CCSER1: variants seen among roughly 807,000 people sequenced by gnomAD.
CCSER1 encodes the protein serine-rich coiled-coil domain-containing protein 1.
CCSER1 carries 41 observed loss-of-function variants against 82.0 expected under a neutral mutation model. The ratio of observed to expected loss-of-function variants is 0.50; its 90% CI spans 0.39 to 0.65. CCSER1 has a LOEUF of 0.65. Ranked by LOEUF, CCSER1 falls within the 30% of genes least tolerant of loss-of-function variation. The pLI, the probability that CCSER1 is intolerant of heterozygous loss-of-function variation, is 0.00. For missense variants in CCSER1, 1,119 were observed against 1,064.2 expected, an observed-to-expected ratio of 1.05 and a Z score of -0.72; for synonymous variants, 414 against 383.9, an observed-to-expected ratio of 1.08 and a Z score of -0.92.
intron 10 of CCSER1, among the ~76,000 whole-genome samples, chr4:91,224,501 G>A (rs2149105036): frequency 6.6e-6 from 1 of 152,242 alleles, no homozygotes; most frequent in Admixed American, 6.5e-5. Context: ...TTAGTCATAT[G>A]TGGTTACTGA....
rs1406818910 is a variant in CCSER1, at chr4:91,593,758, AT to A, written c.2218-4812del. ...AACAAGGCAACTGAACACAAAATAA[AT>A]TGCAATGAGAGGCTGGTGTGACTTA... On this transcript the variant is annotated intron_variant, in intron 10 of 10. Transcript: ENST00000509176. 2.0e-5 allele frequency among the ~76,000 whole-genome samples: 3 copies of A among 152,150 alleles called. No individual in the cohort carries two copies. In the East Asian group the frequency reaches 5.8e-4, roughly 29 times the overall value.
chr4:90,168,674 A>G (rs1372607191), intron 1 of CCSER1, among the ~76,000 whole-genome samples: 3 of 152,108 alleles, frequency 2.0e-5, no homozygotes, highest in African/African-American at 4.8e-5. Context: ...GAAGGCATCC[A>G]GTTTCAGCTT....
chr4:90,535,206 AT>A (rs1775164661), intron 5 of CCSER1, among the ~76,000 whole-genome samples: 1 of 152,090 alleles, frequency 6.6e-6, no homozygotes, highest in African/African-American at 2.4e-5. Context: ...ATTTGTGTGA[AT>A]TTTTTATTTA....
intron 9 of CCSER1, among the ~76,000 whole-genome samples, chr4:90,926,949 C>T (rs182110427): frequency 6.6e-6 from 1 of 152,024 alleles, no homozygotes; most frequent in Non-Finnish European, 1.5e-5. Context: ...TATCTAATTA[C>T]ATCAAATGTA....
Position 90,308,716 on chromosome 4 carries a change from C to G in CCSER1, c.432C>G (p.Asn144Lys), listed in dbSNP as rs752722587. The change falls in exon 2 of 11, where the codon AAC becomes AAG. Residue 144 changes from asparagine (N) to lysine (K), a missense_variant. By Grantham distance (94) the Asn-to-Lys change is moderately conservative (BLOSUM62 0). Coordinates refer to ENST00000509176, the MANE Select transcript of CCSER1 (RefSeq NM_001145065.2). Reference protein sequence around the residue: ...DFEREKEHSTNKNVFINCLSS... With the variant: ...DFEREKEHSTKKNVFINCLSS... Reference sequence around the variant, plus strand: ...AAAGGGAAAAAGAGCACTCAACTAACAAGAATGTCTTTATAAATTGTCTAA... The same window carrying G: ...AAAGGGAAAAAGAGCACTCAACTAAGAAGAATGTCTTTATAAATTGTCTAA... 6.2e-7 allele frequency: 1 copy of G among 1,613,584 alleles called. No individual in the cohort carries two copies. The highest frequency in any genetic ancestry group is 2.2e-5 in the East Asian group (1 of 44,864).
chr4:91,163,202 C>G (rs1298070022), intron 10 of CCSER1, among the ~76,000 whole-genome samples: 2 of 152,182 alleles, frequency 1.3e-5, no homozygotes, highest in African/African-American at 4.8e-5. Flanking sequence ...AATAGTCATT[C>G]AAGAGCAGAT....
chr4:90,555,585 A>C (rs988788994), intron 5 of CCSER1, among the ~76,000 whole-genome samples: 2 of 152,096 alleles, frequency 1.3e-5, no homozygotes, highest in Admixed American at 1.3e-4. Flanking sequence ...TGCAAGTGTC[A>C]GAATGATTTG....
At chr4:90,355,548 G>T (rs147379891) in intron 3 of CCSER1, among the ~76,000 whole-genome samples, 100 of 151,992 alleles carry the variant, frequency 6.6e-4, no homozygotes, top group African/African-American at 2.2e-3. Context: ...TCCATGTTTG[G>T]TGGAAGTCAA....
At chr4:90,654,682 A>G (rs1371012200) in intron 6 of CCSER1, among the ~76,000 whole-genome samples, 2 of 152,072 alleles carry the variant, frequency 1.3e-5, no homozygotes, top group Non-Finnish European at 2.9e-5. Context: ...TTGTACGCCT[A>G]ACCCTCTCTC....
rs571782691 is a variant in CCSER1 at position 90,750,419 on chromosome 4, C to A, written c.2010+26428C>A. Among the ~76,000 whole-genome samples the A allele has an allele frequency of 2.6e-5, 4 of 152,196 alleles. No individual in the cohort carries two copies. In the South Asian group the frequency reaches 8.3e-4, roughly 32 times the overall value. ...TCTAGTTGCCAGCCCCATCTTTACT[C>A]CCACTTTGTTAGGTGCACAGCTTTT... On this transcript the variant is annotated intron_variant, in intron 7 of 10. Transcript: ENST00000509176.
intron 9 of CCSER1, among the ~76,000 whole-genome samples, chr4:91,009,695 A>G (rs550933456): frequency 6.6e-6 from 1 of 152,170 alleles, no homozygotes; most frequent in South Asian, 2.1e-4. Flanking sequence ...TGTGGTTGTT[A>G]TGAGGCTTAC....
At chr4:90,983,019 A>G (rs1220511030) in intron 9 of CCSER1, among the ~76,000 whole-genome samples, 1 of 151,742 alleles carries the variant, frequency 6.6e-6, no homozygotes, top group East Asian at 1.9e-4. Flanking sequence ...CCCTCTCCTT[A>G]GACCTTCTCA....
chr4:91,236,516 C>A (rs550215981), intron 10 of CCSER1, among the ~76,000 whole-genome samples: 1 of 151,910 alleles, frequency 6.6e-6, no homozygotes, highest in Non-Finnish European at 1.5e-5. Context: ...AAATTGGTAA[C>A]TTTGTGGGTA....
chr4:91,586,093 G>A (rs1446284011), intron 10 of CCSER1, among the ~76,000 whole-genome samples: 1 of 151,440 alleles, frequency 6.6e-6, no homozygotes, highest in Non-Finnish European at 1.5e-5. Flanking sequence ...AGAGTGTAGA[G>A]GTAGAAGGAG....
chr4:91,430,131 G>T (rs1253398550), intron 10 of CCSER1, among the ~76,000 whole-genome samples: 1 of 151,870 alleles, frequency 6.6e-6, no homozygotes, highest in Non-Finnish European at 1.5e-5. Flanking sequence ...TATCTTGGTT[G>T]GGATACTTGG....
intron 10 of CCSER1, among the ~76,000 whole-genome samples, chr4:91,149,597 T>A (rs1729932138): frequency 6.6e-6 from 1 of 152,048 alleles, no homozygotes; most frequent in South Asian, 2.1e-4. Context: ...TCTGCTAGAG[T>A]TTTTATCGTT....
chr4:90,359,993 G>A (rs147099045), intron 3 of CCSER1, among the ~76,000 whole-genome samples: 1,963 of 147,438 alleles, frequency 0.013, 56 homozygotes, highest in African/African-American at 0.045. Context: ...ATCTCGGCTT[G>A]CTACAACCTC....
At chr4:90,195,238 AC>A (rs1736381411) in intron 1 of CCSER1, among the ~76,000 whole-genome samples, 1 of 152,078 alleles carries the variant, frequency 6.6e-6, no homozygotes, top group Non-Finnish European at 1.5e-5. Context: ...ATTAAGTGTG[AC>A]CCATCCAGAC....
chr4:91,276,497 C>G (rs745789965), intron 10 of CCSER1, among the ~76,000 whole-genome samples: 2 of 151,780 alleles, frequency 1.3e-5, no homozygotes, highest in African/African-American at 2.4e-5. Flanking sequence ...GTTTTTGTAT[C>G]CTTCAACTTT....
Sources: gnomAD v4.1 joint callset for allele counts (sites outside exome capture counted in the v4.1 genomes callset) on GRCh38, gnomAD v4.1.1 for gene constraint, MANE v1.5 for transcripts, NCBI Gene and HGNC (gene_info 2026-07-23, HGNC 2026-07-21) for gene names.